The following WASF1 variants were observed in gnomAD, a reference collection of about 807,000 sequenced individuals.
The protein encoded by WASF1 is WASP family member 1.
In WASF1, 7 loss-of-function variants were observed where a neutral mutation model predicts 50.5. The observed-to-expected ratio is 0.14, with a 90% CI of 0.08 to 0.26. The LOEUF (loss-of-function observed/expected upper bound fraction) is 0.26, where lower values mean the gene tolerates loss of function less well. Ranked by LOEUF, WASF1 falls within the 10% of genes least tolerant of loss-of-function variation. WASF1 has a pLI of 1.00. For missense variants in WASF1, 470 were observed against 694.7 expected (o/e 0.68, Z 3.64); for synonymous variants, 205 against 244.0 (o/e 0.84, Z 1.49).
chr6:110,110,975 G>A (rs1185966766), intron 5 of WASF1, among the ~76,000 whole-genome samples: 1 of 151,806 alleles, frequency 6.6e-6, no homozygotes, highest in East Asian at 1.9e-4. Context: ...AAGGAAACTA[G>A]GTATAATTCT....
chr6:110,109,817 C>T (rs1361951402), intron 5 of WASF1, among the ~76,000 whole-genome samples: 6 of 151,962 alleles, frequency 3.9e-5, no homozygotes, highest in Non-Finnish European at 8.8e-5. Context: ...GCCTCAGCCT[C>T]CCAAAGTGAT....
chr6:110,121,668 G>A (rs1774131623), intron 4 of WASF1, among the ~76,000 whole-genome samples: 1 of 152,226 alleles, frequency 6.6e-6, no homozygotes, highest in African/African-American at 2.4e-5. Flanking sequence ...ATTTGATCCA[G>A]CGATCCCATT....
At chr6:110,138,810 T>C (rs1775086858) in intron 3 of WASF1, among the ~76,000 whole-genome samples, 1 of 152,110 alleles carries the variant, frequency 6.6e-6, no homozygotes, top group Non-Finnish European at 1.5e-5. Flanking sequence ...ATGGGTGGGC[T>C]TGGAAAAGAC....
intron 2 of WASF1, among the ~76,000 whole-genome samples, chr6:110,161,846 C>T (rs1371875744): frequency 6.6e-6 from 1 of 151,390 alleles, no homozygotes; most frequent in Non-Finnish European, 1.5e-5. Context: ...TATGAAAGGA[C>T]CACAATTTCA....
chr6:110,121,794 T>C (rs1043660798), intron 4 of WASF1, among the ~76,000 whole-genome samples: 3 of 152,164 alleles, frequency 2.0e-5, no homozygotes, highest in Non-Finnish European at 4.4e-5. Flanking sequence ...CAAATGTCCA[T>C]CAATGATAGA....
chr6:110,135,932 A>G (rs1426746198), intron 3 of WASF1, among the ~76,000 whole-genome samples: 5 of 125,904 alleles, frequency 4.0e-5, no homozygotes, highest in East Asian at 2.3e-4. Context: ...CGCCCAGGCT[A>G]GAGTGCAGTG....
intron 2 of WASF1, among the ~76,000 whole-genome samples, chr6:110,162,018 G>A (rs76908727): frequency 0.073 from 11,033 of 151,452 alleles, 549 homozygotes; most frequent in African/African-American, 0.14. Context: ...GAAAGCGTAC[G>A]AGTCGTAAAA....
intron 4 of WASF1, among the ~76,000 whole-genome samples, chr6:110,126,261 CTTTT>C (rs553828852): frequency 4.3e-4 from 65 of 152,000 alleles, no homozygotes; most frequent in Non-Finnish European, 8.1e-4. Flanking sequence ...AACTCTAACA[CTTTT>C]TTTATTAGCC....
chr6:110,118,359 A>ACGG (rs1773910458), intron 4 of WASF1, among the ~76,000 whole-genome samples: 1 of 143,166 alleles, frequency 7.0e-6, no homozygotes, highest in African/African-American at 2.6e-5. Context: ...AAAAAAAAAA[A>ACGG]AAAAAAAAAA....
intron 3 of WASF1, among the ~76,000 whole-genome samples, chr6:110,149,922 C>T (rs1055410383): frequency 6.6e-6 from 1 of 152,000 alleles, no homozygotes; most frequent in African/African-American, 2.4e-5. Context: ...TGGGGTCTCC[C>T]TAACTTGCCT....
intron 2 of WASF1, among the ~76,000 whole-genome samples, chr6:110,171,674 A>G (rs1329680783): frequency 2.6e-5 from 4 of 152,132 alleles, no homozygotes; most frequent in African/African-American, 9.6e-5. Flanking sequence ...AGCCAAAATA[A>G]GACAAATGGG....
At chr6:110,145,224 G>A (rs1775498125) in intron 3 of WASF1, among the ~76,000 whole-genome samples, 2 of 152,116 alleles carry the variant, frequency 1.3e-5, no homozygotes, top group Non-Finnish European at 2.9e-5. Context: ...TGAAGCAATT[G>A]TGAATGGGAG....
chr6:110,172,715 A>C (rs1210657306), intron 2 of WASF1, among the ~76,000 whole-genome samples: 1 of 152,176 alleles, frequency 6.6e-6, no homozygotes, highest in African/African-American at 2.4e-5. Context: ...CTCATTTATA[A>C]GTGGGAGCTA....
intron 7 of WASF1, 130 bp downstream of exon 7, chr6:110,106,947 G>A (rs1773349543): frequency 1.5e-6 from 1 of 660,968 alleles, no homozygotes; most frequent in African/African-American, 1.9e-5. Context: ...GAGTTATAAA[G>A]ACTTCAGTAT....
chr6:110,144,223 G>T (rs1306416626), intron 3 of WASF1, among the ~76,000 whole-genome samples: 1 of 152,146 alleles, frequency 6.6e-6, no homozygotes, highest in Non-Finnish European at 1.5e-5. Context: ...GTGATGATGA[G>T]CTTTTTTTCA....
At chr6:110,120,846 C>T (rs1411529819) in intron 4 of WASF1, among the ~76,000 whole-genome samples, 2 of 152,102 alleles carry the variant, frequency 1.3e-5, no homozygotes, top group South Asian at 4.1e-4. Flanking sequence ...GAGATATAGA[C>T]CAATGGAACA....
intron 3 of WASF1, among the ~76,000 whole-genome samples, chr6:110,146,930 C>T (rs1775590522): frequency 6.6e-6 from 1 of 152,076 alleles, no homozygotes; most frequent in Non-Finnish European, 1.5e-5. Flanking sequence ...ACTCACAGGA[C>T]TAAAGAACTA....
At chr6:110,145,825 T>G (rs1221389124) in intron 3 of WASF1, among the ~76,000 whole-genome samples, 1 of 152,098 alleles carries the variant, frequency 6.6e-6, no homozygotes, top group African/African-American at 2.4e-5. Flanking sequence ...TTCATGTCCT[T>G]TGCAGGGACA....
chr6:110,118,899 C>T (rs1355754386), intron 4 of WASF1, among the ~76,000 whole-genome samples: 1 of 152,198 alleles, frequency 6.6e-6, no homozygotes, highest in Non-Finnish European at 1.5e-5. Flanking sequence ...TCACTCAAAA[C>T]CGCACAACTA....
Sources: gnomAD v4.1 joint callset for allele counts (sites outside exome capture counted in the v4.1 genomes callset) on GRCh38, gnomAD v4.1.1 for gene constraint, MANE v1.5 for transcripts, NCBI Gene and HGNC (gene_info 2026-07-23, HGNC 2026-07-21) for gene names.